AXDND1: variants seen among roughly 807,000 people sequenced by gnomAD.
AXDND1 encodes the protein axonemal dynein light chain domain containing 1.
In AXDND1, 110 loss-of-function variants were observed where a neutral mutation model predicts 137.5. The ratio of observed to expected loss-of-function variants is 0.80; its 90% CI spans 0.69 to 0.94. The LOEUF (loss-of-function observed/expected upper bound fraction) is 0.94, where lower values mean the gene tolerates loss of function less well. Among genes scored for constraint, AXDND1 ranks in the 40% least tolerant of loss-of-function variants. The pLI, the probability that AXDND1 is intolerant of heterozygous loss-of-function variation, is 0.00. For missense variants in AXDND1, 1,191 were observed against 1,169.8 expected, an observed-to-expected ratio of 1.02 and a Z score of -0.26; for synonymous variants, 414 against 399.7, an observed-to-expected ratio of 1.04 and a Z score of -0.43.
chr1:179,501,483 G>A (rs10913800), intron 20 of AXDND1, among the ~76,000 whole-genome samples: 20,672 of 152,116 alleles, frequency 0.14, 1,643 homozygotes, highest in African/African-American at 0.2. Context: ...AGGCTGAGGC[G>A]GGTGGATCAT....
chr1:179,445,641 G>A (rs958912378), intron 16 of AXDND1, among the ~76,000 whole-genome samples: 1 of 151,928 alleles, frequency 6.6e-6, no homozygotes, highest in Non-Finnish European at 1.5e-5. Flanking sequence ...CTTTCACTTG[G>A]GATAATGTTT....
intron 18 of AXDND1, among the ~76,000 whole-genome samples, chr1:179,484,042 G>C (rs1053163587): frequency 3.9e-5 from 6 of 152,152 alleles, no homozygotes; most frequent in African/African-American, 1.2e-4. Context: ...TGGGCTAAAG[G>C]AGGAGGAAGC....
In AXDND1 at chr1:179,383,512, G is replaced by T. The variant is rs760275116; in HGVS notation, c.709G>T (p.Val237Leu). 8.7e-6 allele frequency: 14 copies of T among 1,613,990 alleles called. No individual in the cohort carries two copies. The highest frequency in any genetic ancestry group is 1.1e-5 in the Non-Finnish European group (13 of 1,179,908). Residue 237 changes from valine (V) to leucine (L), a missense_variant, in exon 8 of 26, where the codon GTG (valine) becomes TTG (leucine). Coordinates refer to ENST00000367618, the MANE Select transcript of AXDND1 (RefSeq NM_144696.6). ...VMDTMLERAG[V>L]ENQEYTGPTK... ...GGATACTATGCTAGAGAGGGCTGGT[G>T]TGGAAAATCAGGAATATACAGGACC...
intron 25 of AXDND1, among the ~76,000 whole-genome samples, chr1:179,537,574 G>A (rs535590876): frequency 6.6e-6 from 1 of 152,302 alleles, no homozygotes; most frequent in East Asian, 1.9e-4. Context: ...GCTTTCTGAT[G>A]TGCTGCTGGA....
chr1:179,476,551 C>T (rs1345828014), intron 17 of AXDND1, among the ~76,000 whole-genome samples: 3 of 108,292 alleles, frequency 2.8e-5, no homozygotes, highest in Non-Finnish European at 6.1e-5. Flanking sequence ...GCAACAAATT[C>T]TTCGGTTTTT....
chr1:179,451,244 A>G (rs1660502025), intron 16 of AXDND1: 1 of 151,626 alleles, frequency 6.6e-6, no homozygotes, highest in Non-Finnish European at 1.5e-5. Flanking sequence ...TGGGTTTTTG[A>G]TTACGGACTT....
At chr1:179,540,218 T>A (rs565327494) in intron 25 of AXDND1, among the ~76,000 whole-genome samples, 5 of 152,272 alleles carry the variant, frequency 3.3e-5, no homozygotes, top group Admixed American at 3.3e-4. Flanking sequence ...TCATTCTCCA[T>A]CCAGTTTTGT....
At position 179,483,360 on chromosome 1, in the gene AXDND1, A is replaced by G. The variant is rs114970059; in HGVS notation, c.2091+139A>G. The G allele has an allele frequency of 5.8e-4, 294 of 508,936 alleles. 2 individuals carry two copies. Among genetic ancestry groups the G allele is most frequent in the African/African-American group, 4.7e-3 (238 of 50,208 alleles). 31.5% of individuals were successfully genotyped at this position (508,936 alleles called of 1,614,324 possible). ...AGAAGCTTGTATAATAATTTCTCAA[A>G]TAATTTTCAATGGATTTTTTAAAGC... On this transcript the variant is annotated intron_variant, in intron 18 of 25. Coordinates refer to ENST00000367618, the MANE Select transcript of AXDND1 (RefSeq NM_144696.6).
chr1:179,390,036 G>A (rs1325232351), intron 9 of AXDND1, among the ~76,000 whole-genome samples: 3 of 139,870 alleles, frequency 2.1e-5, no homozygotes, highest in Admixed American at 1.4e-4. Context: ...TTTTTTTTAA[G>A]ACAGTCTTGC....
At chr1:179,416,357 G>C (rs10798677) in intron 12 of AXDND1, among the ~76,000 whole-genome samples, 116,804 of 152,122 alleles carry the variant, frequency 0.77, 45,140 homozygotes, top group South Asian at 0.83. Flanking sequence ...TAGGTTGATT[G>C]CATATATTGG....
At chr1:179,530,021 A>T (rs1250887535) in intron 23 of AXDND1, among the ~76,000 whole-genome samples, 1 of 152,096 alleles carries the variant, frequency 6.6e-6, no homozygotes, top group Non-Finnish European at 1.5e-5. Context: ...GGAATGGAAT[A>T]CAATGTCGTG....
At chr1:179,428,043 C>T (rs1185899764) in intron 12 of AXDND1, among the ~76,000 whole-genome samples, 1 of 151,706 alleles carries the variant, frequency 6.6e-6, no homozygotes, top group Non-Finnish European at 1.5e-5. Context: ...CAATGCTGGA[C>T]TTTTACAAGA....
intron 16 of AXDND1, chr1:179,449,058 T>G (rs535184970): frequency 4.8e-6 from 2 of 420,284 alleles, no homozygotes; most frequent in Admixed American, 5.5e-5. Flanking sequence ...ACTAATTTTT[T>G]TATTTTTTGT....
rs183915899 is a variant in AXDND1, at chr1:179,437,645, G to A, written c.1563+5303G>A. 5.2e-3 allele frequency among the ~76,000 whole-genome samples: 785 copies of A among 151,098 alleles called. 6 individuals are homozygous for A. Among genetic ancestry groups the A allele is most frequent in the African/African-American group, 0.018 (736 of 41,040 alleles). ...GGGCAGCTCTCATTTTCCAATTGGCGGTCCATCCGATTTTACAGACTATGA... is the reference window on the plus strand; with the variant it reads ...GGGCAGCTCTCATTTTCCAATTGGCAGTCCATCCGATTTTACAGACTATGA... On this transcript the variant is annotated intron_variant, in intron 15 of 25. Coordinates refer to ENST00000367618, the MANE Select transcript of AXDND1 (RefSeq NM_144696.6).
chr1:179,401,290 T>TATTTCA (rs1372649088), intron 11 of AXDND1, among the ~76,000 whole-genome samples: 1 of 149,950 alleles, frequency 6.7e-6, no homozygotes, highest in Non-Finnish European at 1.5e-5. Context: ...AACGTCTGCC[T>TATTTCA]ATTTCAGTAA....
intron 15 of AXDND1, 84 bp downstream of exon 15, chr1:179,432,426 A>T: frequency 1.5e-6 from 2 of 1,319,008 alleles, no homozygotes; most frequent in South Asian, 1.4e-5. Context: ...GGCACATCCC[A>T]TCCTTTTTTT....
intron 15 of AXDND1, among the ~76,000 whole-genome samples, chr1:179,435,652 G>A (rs1658039901): frequency 6.6e-6 from 1 of 152,148 alleles, no homozygotes; most frequent in Middle Eastern, 3.2e-3. Flanking sequence ...GCAGAAAACT[G>A]AAACTTGACC....
At chr1:179,455,492 G>T (rs1424731722) in intron 16 of AXDND1, 1 of 150,972 alleles carries the variant, frequency 6.6e-6, no homozygotes, top group Non-Finnish European at 1.5e-5. Flanking sequence ...TACTCTGGAG[G>T]CTGAGGCAGG....
chr1:179,534,977 G>T lies in AXDND1; in HGVS notation c.3031+15G>T. The T allele has an allele frequency of 1.9e-6, 3 of 1,606,230 alleles. No individual in the cohort carries two copies. In the East Asian group the frequency reaches 6.7e-5, roughly 36 times the overall value. On this transcript the variant is annotated intron_variant, in intron 25 of 25. Coordinates refer to ENST00000367618, the MANE Select transcript of AXDND1 (RefSeq NM_144696.6). ...TCCAAAGAAAGGTAAGGATTGCTTC[G>T]TATTTTGCTTTATTCAGGTTGTATT...
Sources: gnomAD v4.1 joint callset for allele counts (sites outside exome capture counted in the v4.1 genomes callset) on GRCh38, gnomAD v4.1.1 for gene constraint, MANE v1.5 for transcripts, NCBI Gene and HGNC (gene_info 2026-07-23, HGNC 2026-07-21) for gene names.